The following MRTFA variants were observed in gnomAD, a reference collection of about 807,000 sequenced individuals.
The protein encoded by MRTFA is myocardin-related transcription factor A.
MRTFA carries 20 observed loss-of-function variants against 83.5 expected under a neutral mutation model. That is an observed-to-expected ratio of 0.24 (90% CI 0.17 to 0.35). The LOEUF (loss-of-function observed/expected upper bound fraction) is 0.35. MRTFA is among the 10% of genes least tolerant of loss of function. The pLI, the probability that MRTFA is intolerant of heterozygous loss-of-function variation, is 1.00. For synonymous variants in MRTFA, 659 were observed against 541.2 expected, an observed-to-expected ratio of 1.22 and a Z score of -3.02; for missense variants, 1,200 against 1,224.7, an observed-to-expected ratio of 0.98 and a Z score of 0.30.
Position 40,412,250 on chromosome 22 carries a change from T to C in MRTFA, c.2579-343A>G, listed in dbSNP as rs2052572174. The C allele has an allele frequency of 1.8e-5, 3 of 169,456 alleles. No individual in the cohort carries two copies. In the Admixed American group the frequency reaches 1.9e-4, roughly 11 times the overall value. The allele number at this position is 169,456 out of a possible 1,614,324, so 10.5% of individuals were successfully genotyped here. On this transcript the variant is annotated intron_variant, in intron 14 of 14. Coordinates refer to ENST00000355630, the MANE Select transcript of MRTFA (RefSeq NM_020831.6). ...GCACATGAAAAGAGCTCAATATCACTAGTCATGAGGGAGACCACAGTGAGA... is the reference window on the plus strand; with the variant it reads ...GCACATGAAAAGAGCTCAATATCACCAGTCATGAGGGAGACCACAGTGAGA...
intron 4 of MRTFA, among the ~76,000 whole-genome samples, chr22:40,449,127 C>T (rs7284704): frequency 0.13 from 19,675 of 151,690 alleles, 1,591 homozygotes; most frequent in South Asian, 0.27. Flanking sequence ...ATTAGCCGGG[C>T]GTGGTGGCGG....
At chr22:40,577,078 CCAGG>C (rs1463552847) in intron 2 of MRTFA, among the ~76,000 whole-genome samples, 1 of 151,726 alleles carries the variant, frequency 6.6e-6, no homozygotes, top group East Asian at 1.9e-4. Context: ...TAAAAATTAG[CCAGG>C]CATTGTGGTG....
intron 3 of MRTFA, among the ~76,000 whole-genome samples, chr22:40,505,540 T>C (rs867656432): frequency 1.2e-4 from 18 of 152,244 alleles, no homozygotes; most frequent in African/African-American, 4.1e-4. Flanking sequence ...CAATAAGTAA[T>C]GCCATGGTTT....
intron 3 of MRTFA, among the ~76,000 whole-genome samples, chr22:40,492,195 C>A (rs568317977): frequency 1.3e-5 from 2 of 152,234 alleles, no homozygotes; most frequent in South Asian, 2.1e-4. Context: ...TTAAAGAGGC[C>A]ATTTATTATT....
chr22:40,411,634 G>C lies in MRTFA; in HGVS notation c.2852C>G (p.Thr951Ser). 1 of 1,613,488 alleles carries C rather than the reference G, an allele frequency of 6.2e-7. No homozygotes were observed. Among genetic ancestry groups the C allele is most frequent in the Non-Finnish European group, 8.5e-7 (1 of 1,179,948 alleles). ...TGACGGGGGGTGGTCCAGGATGGCA[G>C]TGCTGCTCAGCATCTGGCTATGGAG... Residue 951 changes from threonine to serine, a missense_variant, in exon 15 of 15, where the codon ACT (threonine) becomes AGT (serine). By Grantham distance (58) the Thr-to-Ser change is moderately conservative (BLOSUM62 1). Around this residue, in one of 2 missense-constraint regions of MRTFA, gnomAD observed 1,107 missense variants for 1,041.8 expected, o/e 1.06. Coordinates refer to ENST00000355630, the MANE Select transcript of MRTFA (RefSeq NM_020831.6).
At chr22:40,634,393 T>C (rs897076677) in intron 1 of MRTFA, among the ~76,000 whole-genome samples, 7 of 152,240 alleles carry the variant, frequency 4.6e-5, no homozygotes, top group Non-Finnish European at 8.8e-5. Flanking sequence ...GTGCCCCGCC[T>C]ATCAGGAAAA....
At chr22:40,471,898 T>A (rs1341986574) in intron 3 of MRTFA, among the ~76,000 whole-genome samples, 1 of 152,084 alleles carries the variant, frequency 6.6e-6, no homozygotes, top group Non-Finnish European at 1.5e-5. Context: ...TTAAAAAGAA[T>A]ACCAATCATT....
At chr22:40,517,758 C>A (rs2147252625) in intron 3 of MRTFA, among the ~76,000 whole-genome samples, 1 of 152,266 alleles carries the variant, frequency 6.6e-6, no homozygotes, top group Non-Finnish European at 1.5e-5. Context: ...TTCAACCAAA[C>A]CTGAGTTTAT....
At chr22:40,559,771 A>G (rs960132214) in intron 2 of MRTFA, among the ~76,000 whole-genome samples, 7 of 152,230 alleles carry the variant, frequency 4.6e-5, no homozygotes, top group African/African-American at 1.7e-4. Context: ...ATGCAAAAAG[A>G]AAAGAAAGAA....
intron 3 of MRTFA, among the ~76,000 whole-genome samples, chr22:40,515,682 A>G (rs961662123): frequency 3.3e-5 from 5 of 152,232 alleles, no homozygotes; most frequent in African/African-American, 1.2e-4. Context: ...AGAAAACAGC[A>G]GCAGGTAAAG....
chr22:40,504,960 T>A (rs1047413390), intron 3 of MRTFA, among the ~76,000 whole-genome samples: 6 of 152,242 alleles, frequency 3.9e-5, no homozygotes, highest in African/African-American at 1.4e-4. Flanking sequence ...TCTTATTTTG[T>A]AGCATAATGA....
chr22:40,569,806 T>C (rs901143306), intron 2 of MRTFA: 5 of 152,640 alleles, frequency 3.3e-5, no homozygotes, highest in African/African-American at 1.2e-4. Flanking sequence ...TGTTTGTGAA[T>C]GGTACCAGCA....
At chr22:40,565,645 A>T (rs1284946310) in intron 2 of MRTFA, among the ~76,000 whole-genome samples, 1 of 152,246 alleles carries the variant, frequency 6.6e-6, no homozygotes, top group Non-Finnish European at 1.5e-5. Flanking sequence ...AGGCACTGGG[A>T]GTACAACAGA....
chr22:40,414,891 A>T (rs992191883), intron 14 of MRTFA: 2 of 152,206 alleles, frequency 1.3e-5, no homozygotes, highest in Admixed American at 6.5e-5. Flanking sequence ...TAAAAAAAGA[A>T]TTATGCAAAA....
At chr22:40,536,838 G>A (rs1257975262) in intron 3 of MRTFA, among the ~76,000 whole-genome samples, 98 of 24,896 alleles carry the variant, frequency 3.9e-3, no homozygotes, top group Admixed American at 7.2e-3. Context: ...CGGCCGCCCC[G>A]TCTGAGAAGT....
intron 3 of MRTFA, among the ~76,000 whole-genome samples, chr22:40,503,281 C>A (rs956950583): frequency 2.6e-5 from 4 of 152,162 alleles, no homozygotes; most frequent in Non-Finnish European, 5.9e-5. Context: ...TGTCACCAGA[C>A]AATTAATTTC....
At chr22:40,437,836 A>G (rs1030999350) in intron 4 of MRTFA, among the ~76,000 whole-genome samples, 1 of 151,940 alleles carries the variant, frequency 6.6e-6, no homozygotes, top group African/African-American at 2.4e-5. Context: ...TACATTTACA[A>G]CATGTCCCCA....
At position 40,558,087 on chromosome 22, in the gene MRTFA, T is replaced by C. The variant is rs535593363; in HGVS notation, c.-21-5720A>G. Among the ~76,000 whole-genome samples the C allele has an allele frequency of 1.9e-3, 281 of 150,720 alleles. 3 individuals are homozygous for C. In the East Asian group the frequency reaches 0.024, roughly 13 times the overall value. ...TCACCGAGTCCAGCCTTTTTCTTTC[T>C]TTCTTTTTTTTTTTAAGGGACAGGG... On this transcript the variant is annotated intron_variant, in intron 2 of 14. Coordinates refer to ENST00000355630, the MANE Select transcript of MRTFA (RefSeq NM_020831.6).
intron 3 of MRTFA, among the ~76,000 whole-genome samples, chr22:40,520,728 A>T (rs959118964): frequency 1.3e-5 from 2 of 152,236 alleles, no homozygotes; most frequent in African/African-American, 4.8e-5. Flanking sequence ...ATTTTATAAC[A>T]TATATCAACA....
Sources: gnomAD v4.1 joint callset for allele counts (sites outside exome capture counted in the v4.1 genomes callset) on GRCh38, gnomAD v4.1.1 for gene constraint, gnomAD v4.1.1 regional missense constraint, MANE v1.5 for transcripts, NCBI Gene and HGNC (gene_info 2026-07-23, HGNC 2026-07-21) for gene names.